RANBP17: variants seen among roughly 807,000 people sequenced by gnomAD.
RANBP17 encodes the protein RAN binding protein 17.
In RANBP17, 158 loss-of-function variants were observed where a neutral mutation model predicts 141.2. The observed-to-expected ratio is 1.12, with a 90% confidence interval of 0.98 to 1.28. RANBP17 has a LOEUF of 1.28. Ranked by LOEUF, RANBP17 falls within the 50% of genes most tolerant of loss-of-function variation. RANBP17 has a pLI of 0.00. For synonymous variants in RANBP17, 430 were observed against 450.0 expected, an observed-to-expected ratio of 0.96 and a Z score of 0.56; for missense variants, 1,438 against 1,290.7, an observed-to-expected ratio of 1.11 and a Z score of -1.75.
At chr5:170,986,764 G>A (rs968046204) in intron 14 of RANBP17, among the ~76,000 whole-genome samples, 1 of 151,810 alleles carries the variant, frequency 6.6e-6, no homozygotes, top group Non-Finnish European at 1.5e-5. Flanking sequence ...CTACTGTTGA[G>A]TACACATATG....
At chr5:170,997,230 G>A (rs1182219264) in intron 14 of RANBP17, among the ~76,000 whole-genome samples, 1 of 152,192 alleles carries the variant, frequency 6.6e-6, no homozygotes, top group Non-Finnish European at 1.5e-5. Flanking sequence ...CAGCCATGCA[G>A]AACTGGGAGT....
intron 18 of RANBP17, among the ~76,000 whole-genome samples, chr5:171,192,604 A>G (rs1352452375): frequency 1.3e-5 from 2 of 152,228 alleles, no homozygotes; most frequent in Non-Finnish European, 2.9e-5. Flanking sequence ...TGTGGTTTAA[A>G]TAAGATAAAG....
chr5:171,239,901 A>G (rs1764761426), intron 22 of RANBP17, among the ~76,000 whole-genome samples: 4 of 152,146 alleles, frequency 2.6e-5, no homozygotes. Context: ...AACCACAGCA[A>G]CCTTTAAAAA....
intron 12 of RANBP17, among the ~76,000 whole-genome samples, chr5:170,928,863 G>A (rs539083588): frequency 6.6e-6 from 1 of 151,440 alleles, no homozygotes; most frequent in Admixed American, 6.6e-5. Context: ...CAAAGTAGGT[G>A]CTAGCATTTT....
chr5:170,915,904 A>G (rs569409173), intron 8 of RANBP17, among the ~76,000 whole-genome samples: 2 of 152,288 alleles, frequency 1.3e-5, no homozygotes, highest in Admixed American at 6.5e-5. Context: ...AATGTATAGC[A>G]TGTACAGGCC....
At chr5:171,101,699 T>C (rs962685445) in intron 14 of RANBP17, among the ~76,000 whole-genome samples, 1 of 152,230 alleles carries the variant, frequency 6.6e-6, no homozygotes, top group African/African-American at 2.4e-5. Flanking sequence ...CAGTGGTCTT[T>C]ACATTTTGAT....
At chr5:171,031,599 A>C (rs545745954) in intron 14 of RANBP17, among the ~76,000 whole-genome samples, 15 of 152,030 alleles carry the variant, frequency 9.9e-5, no homozygotes, top group Admixed American at 2.0e-4. Context: ...CATTGAAATC[A>C]TGTTTTAAAT....
chr5:171,132,576 A>G (rs29648), intron 14 of RANBP17, among the ~76,000 whole-genome samples: 110,166 of 151,796 alleles, frequency 0.73, 40,168 homozygotes, highest in South Asian at 0.89. Flanking sequence ...TTAAAAATTA[A>G]CCAGGTATGG....
chr5:171,010,015 AG>A (rs140024928), intron 14 of RANBP17, among the ~76,000 whole-genome samples: 8 of 152,248 alleles, frequency 5.3e-5, no homozygotes, highest in African/African-American at 1.9e-4. Context: ...TTGATGAGTT[AG>A]AGGATGATAT....
chr5:170,942,672 G>A (rs553104288), intron 12 of RANBP17, among the ~76,000 whole-genome samples: 1 of 152,268 alleles, frequency 6.6e-6, no homozygotes, highest in South Asian at 2.1e-4. Context: ...ATGGTATGGA[G>A]GTAGATGTGA....
intron 14 of RANBP17, among the ~76,000 whole-genome samples, chr5:171,006,935 A>G (rs1779670680): frequency 6.6e-6 from 1 of 152,036 alleles, no homozygotes; most frequent in African/African-American, 2.4e-5. Flanking sequence ...TAGGCAGGAA[A>G]CCACGTAATC....
In RANBP17 at chr5:171,293,948, G is replaced by C. The variant is rs374592064; in HGVS notation, c.3009G>C (p.Arg1003Ser). The C allele has an allele frequency of 2.5e-6, 4 of 1,613,868 alleles. No individual in the cohort carries two copies. The highest frequency in any genetic ancestry group is 1.1e-5 in the South Asian group (1 of 91,070). Residue 1003 changes from arginine (R) to serine (S), a missense_variant, in exon 26 of 28, where the codon AGG becomes AGC. Coordinates refer to ENST00000523189, the MANE Select transcript of RANBP17 (RefSeq NM_022897.5). ...EDCRNQWSVS[R>S]PLLGLILLNE... ...GTCGGAACCAGTGGTCAGTATCCAG[G>C]CCTCTCCTGGGGCTCATCCTGCTCA...
At chr5:171,169,535 T>C (rs1759949561) in intron 14 of RANBP17, among the ~76,000 whole-genome samples, 1 of 152,182 alleles carries the variant, frequency 6.6e-6, no homozygotes, top group Non-Finnish European at 1.5e-5. Context: ...TCCCAGGCCC[T>C]GATGTTTTCA....
chr5:171,055,477 T>C (rs1313949554), intron 14 of RANBP17, among the ~76,000 whole-genome samples: 1 of 152,196 alleles, frequency 6.6e-6, no homozygotes, highest in African/African-American at 2.4e-5. Context: ...CTTGGCCTGA[T>C]TATTTGTATA....
At chr5:170,980,869 G>A (rs1331391645) in intron 14 of RANBP17, among the ~76,000 whole-genome samples, 1 of 152,166 alleles carries the variant, frequency 6.6e-6, no homozygotes, top group East Asian at 1.9e-4. Flanking sequence ...CCCCAGAATG[G>A]TAGATCCACT....
intron 14 of RANBP17, among the ~76,000 whole-genome samples, chr5:171,116,018 T>A (rs1258488221): frequency 6.6e-6 from 1 of 152,160 alleles, no homozygotes; most frequent in Non-Finnish European, 1.5e-5. Flanking sequence ...TTAATGAAAT[T>A]GTGACTTTGT....
intron 24 of RANBP17, among the ~76,000 whole-genome samples, chr5:171,248,536 G>A (rs1000095796): frequency 6.6e-6 from 1 of 152,144 alleles, no homozygotes; most frequent in Non-Finnish European, 1.5e-5. Context: ...ACAGACTACT[G>A]CAATCTAAAC....
intron 14 of RANBP17, chr5:170,970,593 G>A (rs946312965): frequency 6.6e-6 from 1 of 152,136 alleles, no homozygotes; most frequent in African/African-American, 2.4e-5. Flanking sequence ...CGCTAAGCAT[G>A]TGGGAGTTAT....
intron 27 of RANBP17, among the ~76,000 whole-genome samples, chr5:171,298,090 T>C (rs1362255197): frequency 1.3e-5 from 2 of 152,052 alleles, no homozygotes; most frequent in Non-Finnish European, 2.9e-5. Context: ...ACTCCTGACG[T>C]CAGGTGATCC....
Sources: allele counts gnomAD v4.1 joint callset (sites outside exome capture counted in the v4.1 genomes callset), GRCh38; gene constraint gnomAD v4.1.1; transcripts MANE v1.5; gene names NCBI Gene and HGNC (gene_info 2026-07-23, HGNC 2026-07-21).